Variants in IFI16 observed in about 807,000 individuals in gnomAD.
The protein encoded by IFI16 is interferon gamma inducible protein 16, also known as gamma-interferon-inducible protein 16.
A neutral mutation model predicts 68.4 loss-of-function variants in IFI16; 49 were observed. That is an observed-to-expected ratio of 0.72 (90% CI 0.57 to 0.91). The LOEUF is 0.91. Among genes scored for constraint, IFI16 ranks in the 40% least tolerant of loss-of-function variants. The probability of loss-of-function intolerance (pLI) is 0.00; values close to 1 mark genes in which losing one functional copy is unlikely to be tolerated. For synonymous variants in IFI16, 307 were observed against 315.0 expected (o/e 0.97, Z 0.27); for missense variants, 878 against 942.9 (o/e 0.93, Z 0.90).
chr1:159,033,918 G>C (rs1057367883), intron 7 of IFI16, among the ~76,000 whole-genome samples: 1 of 151,570 alleles, frequency 6.6e-6, no homozygotes, highest in Non-Finnish European at 1.5e-5. Flanking sequence ...TGACAGAAGT[G>C]GTAGAACTAT....
At chr1:159,019,561 C>T (rs925791829) in intron 5 of IFI16, among the ~76,000 whole-genome samples, 1 of 151,470 alleles carries the variant, frequency 6.6e-6, no homozygotes, top group Admixed American at 6.6e-5. Flanking sequence ...TGGGTTCAGG[C>T]GATTCTCCTG....
upstream of IFI16, among the ~76,000 whole-genome samples, chr1:159,008,042 GT>G (rs371889146): frequency 6.6e-6 from 1 of 152,190 alleles, no homozygotes; most frequent in African/African-American, 2.4e-5. Flanking sequence ...AAAGTGTGAA[GT>G]GACATAAATG....
chr1:159,052,077 T>C lies in IFI16; in HGVS notation c.2064T>C (p.Asn688=). 3 of 1,612,220 alleles carry C rather than the reference T, an allele frequency of 1.9e-6. No homozygotes were observed. The South Asian group carries it at 3.3e-5, about 18-fold the overall frequency. ...LCSQTKGSFV[N]GVFEVHKKNV... Reference sequence around the variant, plus strand: ...CACAAACTAAAGGAAGTTTTGTGAATGGGGTGTTTGAGGTACATAAGGTAA... The same window carrying C: ...CACAAACTAAAGGAAGTTTTGTGAACGGGGTGTTTGAGGTACATAAGGTAA... The change falls in exon 10 of 12, where the codon AAT becomes AAC. Residue 688 remains asparagine, a synonymous_variant. Coordinates refer to ENST00000295809, the MANE Select transcript of IFI16 (RefSeq NM_001376587.1).
chr1:159,037,434 A>G (rs1013507088), intron 7 of IFI16, among the ~76,000 whole-genome samples: 3 of 152,208 alleles, frequency 2.0e-5, no homozygotes, highest in Admixed American at 6.5e-5. Flanking sequence ...AAGATTTTGT[A>G]TATGATATGC....
At chr1:159,047,633 C>T (rs1557881294) in intron 8 of IFI16, among the ~76,000 whole-genome samples, 6 of 150,876 alleles carry the variant, frequency 4.0e-5, no homozygotes, top group South Asian at 4.2e-4. Context: ...ACATACACCA[C>T]GTAGTCATTT....
intron 7 of IFI16, among the ~76,000 whole-genome samples, chr1:159,038,979 G>A (rs1654472652): frequency 6.6e-6 from 1 of 152,184 alleles, no homozygotes; most frequent in African/African-American, 2.4e-5. Flanking sequence ...AATTACAGGA[G>A]TCAGTTTGTG....
At chr1:159,046,598 C>G (rs1654999395) in intron 8 of IFI16, among the ~76,000 whole-genome samples, 2 of 150,936 alleles carry the variant, frequency 1.3e-5, no homozygotes, top group Admixed American at 6.6e-5. Context: ...CTTTGCAATC[C>G]TTTCTCTTTT....
chr1:159,021,720 G>A (rs1339365408), intron 6 of IFI16, among the ~76,000 whole-genome samples: 1 of 152,096 alleles, frequency 6.6e-6, no homozygotes, highest in East Asian at 1.9e-4. Context: ...ATTCCCACCA[G>A]CGGTGTAGAA....
chr1:159,037,687 A>C (rs1654407504), intron 7 of IFI16, among the ~76,000 whole-genome samples: 1 of 152,180 alleles, frequency 6.6e-6, no homozygotes, highest in Non-Finnish European at 1.5e-5. Flanking sequence ...ATTTGTTTCA[A>C]CTTATTTTGA....
In IFI16 at chr1:159,037,925, G is replaced by A. The variant is rs1654419290; in HGVS notation, c.1329+5234G>A. ...TGTTCTGCTTATTGAGGATTTATTGGATGCTGGTCTGTAAAAACTGTGTTT... is the reference window on the plus strand; with the variant it reads ...TGTTCTGCTTATTGAGGATTTATTGAATGCTGGTCTGTAAAAACTGTGTTT... On this transcript the variant is annotated intron_variant, in intron 7 of 11. Coordinates refer to ENST00000295809, the MANE Select transcript of IFI16 (RefSeq NM_001376587.1). 2.0e-5 allele frequency among the ~76,000 whole-genome samples: 3 copies of A among 152,014 alleles called. No homozygotes were observed. In the South Asian group the frequency reaches 6.2e-4, roughly 32 times the overall value.
intron 8 of IFI16, among the ~76,000 whole-genome samples, chr1:159,048,735 G>T (rs1381022895): frequency 6.6e-6 from 1 of 151,442 alleles, no homozygotes; most frequent in Non-Finnish European, 1.5e-5. Context: ...ATATTTTTTG[G>T]ACTTCCATTA....
At chr1:159,001,059 C>A (rs991395621), upstream of IFI16, among the ~76,000 whole-genome samples, 5 of 152,080 alleles carry the variant, frequency 3.3e-5, no homozygotes, top group Non-Finnish European at 7.4e-5. Context: ...CTCTAAATTT[C>A]TTTATAAAAA....
rs200697910 is a variant in IFI16, at chr1:159,044,721, C to G, written c.1330-576C>G. Among the ~76,000 whole-genome samples, 41 of 152,214 alleles carry G rather than the reference C, an allele frequency of 2.7e-4. 1 individual carries two copies. Among genetic ancestry groups the G allele is most frequent in the East Asian group, 9.7e-4 (5 of 5,180 alleles). Reference sequence around the variant, plus strand: ...AATGCTTTAGGTGGAATATTAAATTCTTCTGAATACAGCTAAAAACTCTGA... The same window carrying G: ...AATGCTTTAGGTGGAATATTAAATTGTTCTGAATACAGCTAAAAACTCTGA... On this transcript the variant is annotated intron_variant, in intron 7 of 11. Coordinates refer to ENST00000295809, the MANE Select transcript of IFI16 (RefSeq NM_001376587.1).
At chr1:159,006,122 G>A (rs1652247460), upstream of IFI16, 1 of 152,182 alleles carries the variant, frequency 6.6e-6, no homozygotes, top group Non-Finnish European at 1.5e-5. Context: ...CTTGCCTTGT[G>A]CTTATATTGT....
At chr1:159,040,061 A>G (rs915516798) in intron 7 of IFI16, among the ~76,000 whole-genome samples, 5 of 152,222 alleles carry the variant, frequency 3.3e-5, no homozygotes, top group African/African-American at 1.2e-4. Flanking sequence ...AATAAATAAA[A>G]TGTATACAAA....
chr1:159,017,425 T>C (rs1423037099), intron 4 of IFI16, among the ~76,000 whole-genome samples: 1 of 152,232 alleles, frequency 6.6e-6, no homozygotes, highest in Non-Finnish European at 1.5e-5. Context: ...GAACACTCTT[T>C]GTGTCTATAG....
chr1:159,033,774 C>T (rs915315557), intron 7 of IFI16, among the ~76,000 whole-genome samples: 1 of 152,196 alleles, frequency 6.6e-6, no homozygotes, highest in Non-Finnish European at 1.5e-5. Context: ...ATAGCCCACG[C>T]TTTGCAAACC....
rs778911847 is a variant in IFI16 at position 159,051,818 on chromosome 1, C to T, written c.1805C>T (p.Ala602Val). 3.7e-6 allele frequency: 6 copies of T among 1,614,082 alleles called. No individual in the cohort carries two copies. The South Asian group carries it at 5.5e-5, about 15-fold the overall frequency. The change falls in exon 10 of 12, where the codon GCC (alanine) becomes GTC (valine). Residue 602 changes from alanine (A) to valine (V), a missense_variant. Physicochemically the swap from Ala to Val is moderately conservative, Grantham distance 64. This residue lies in a region of IFI16 where 311 missense variants were observed against 305.1 expected (regional missense o/e 1.02). Transcript: ENST00000295809. ...EPKEQKKMFH[A>V]TVATENEVFR... ...AAAGAGCAGAAGAAAATGTTTCATG[C>T]CACAGTGGCAACTGAGAATGAAGTC...
At chr1:159,017,315 A>C (rs1022050134) in intron 4 of IFI16, among the ~76,000 whole-genome samples, 4 of 152,190 alleles carry the variant, frequency 2.6e-5, no homozygotes, top group East Asian at 1.9e-4. Context: ...TGAGGGGTTT[A>C]TCCTACTTGT....
Sources: allele counts gnomAD v4.1 joint callset (sites outside exome capture counted in the v4.1 genomes callset), GRCh38; gene constraint gnomAD v4.1.1; regional missense constraint gnomAD v4.1.1; transcripts MANE v1.5; gene names NCBI Gene and HGNC (gene_info 2026-07-23, HGNC 2026-07-21).